SRFBP1: variants seen among roughly 807,000 people sequenced by gnomAD.
SRFBP1 encodes the protein serum response factor-binding protein 1.
SRFBP1 carries 47 observed loss-of-function variants against 45.5 expected under a neutral mutation model. The observed-to-expected ratio is 1.03, with a 90% CI of 0.82 to 1.32. The LOEUF is 1.32. Ranked by LOEUF, SRFBP1 falls within the 40% of genes most tolerant of loss-of-function variation. SRFBP1 has a pLI of 0.00. For missense variants in SRFBP1, 621 were observed against 484.6 expected (o/e 1.28, Z -2.64); for synonymous variants, 203 against 166.3 (o/e 1.22, Z -1.70).
chr5:121,983,324 C>T (rs1019912845), intron 3 of SRFBP1, among the ~76,000 whole-genome samples: 1 of 151,812 alleles, frequency 6.6e-6, no homozygotes. Context: ...TATTTAGAAT[C>T]TTCAGACTAA....
In SRFBP1 at chr5:122,075,501, C is replaced by G. The variant is rs556521876; in HGVS notation, n.498C>G. The stretch of plus-strand genomic sequence containing the variant: ...ACTCTTTGGGGAAATCTGAGCAGCA[C>G]CCTGTGATCATAATCTCTGACATCT... On this transcript the variant is annotated non_coding_transcript_exon_variant, in exon 3 of 3. Coordinates refer to the SRFBP1 transcript ENST00000504881. 2.5e-6 allele frequency: 4 copies of G among 1,612,606 alleles called. No individual in the cohort carries two copies. In the African/African-American group the frequency reaches 5.3e-5, roughly 22 times the overall value.
chr5:121,967,015 G>C (rs565551277), intron 1 of SRFBP1, among the ~76,000 whole-genome samples: 2 of 142,232 alleles, frequency 1.4e-5, no homozygotes, highest in African/African-American at 5.2e-5. Context: ...GGATGGTCTC[G>C]ATCTCCTGAC....
At chr5:121,995,378 C>G (rs1752700749) in intron 4 of SRFBP1, among the ~76,000 whole-genome samples, 1 of 152,172 alleles carries the variant, frequency 6.6e-6, no homozygotes, top group Non-Finnish European at 1.5e-5. Flanking sequence ...AGCCGCTCAA[C>G]TACATGGAAG....
At chr5:121,962,190 C>A (rs1335103556) in intron 1 of SRFBP1, 122 bp downstream of exon 1, 2 of 1,234,398 alleles carry the variant, frequency 1.6e-6, no homozygotes, top group East Asian at 4.7e-5. Context: ...TGGGCCCAGG[C>A]GGGTTTCCCG....
intron 4 of SRFBP1, among the ~76,000 whole-genome samples, chr5:122,004,647 GTCTC>G (rs1427547643): frequency 6.6e-6 from 1 of 151,624 alleles, no homozygotes; most frequent in Admixed American, 6.6e-5. Flanking sequence ...TTTTTCTCAC[GTCTC>G]TCTCATCTGT....
intron 2 of SRFBP1, among the ~76,000 whole-genome samples, chr5:122,057,224 C>T (rs1399541329): frequency 2.0e-5 from 3 of 152,100 alleles, no homozygotes; most frequent in Non-Finnish European, 4.4e-5. Context: ...GAAAAATACA[C>T]ATGCACATGA....
chr5:122,059,620 A>G (rs1476820059), intron 2 of SRFBP1, among the ~76,000 whole-genome samples: 1 of 152,132 alleles, frequency 6.6e-6, no homozygotes, highest in Non-Finnish European at 1.5e-5. Flanking sequence ...TGTTACTCTC[A>G]TTCAAGCTTC....
chr5:122,036,603 G>A (rs578007212), intron 2 of SRFBP1, among the ~76,000 whole-genome samples: 1 of 152,270 alleles, frequency 6.6e-6, no homozygotes, highest in East Asian at 1.9e-4. Context: ...GCTGAGTTCA[G>A]TCCTGTAAGT....
chr5:122,077,854 C>G (rs934427837), downstream of SRFBP1: 11 of 1,543,788 alleles, frequency 7.1e-6, no homozygotes, highest in African/African-American at 1.5e-4. The surrounding 1 kb of genome is among the most constrained non-coding windows in gnomAD (Gnocchi z 4.9). Flanking sequence ...ATTGGATCTG[C>G]TGGCGCCAGG....
At chr5:122,077,632 C>T (rs985716380), downstream of SRFBP1, 2 of 1,610,962 alleles carry the variant, frequency 1.2e-6, no homozygotes, top group Non-Finnish European at 1.7e-6. This position sits in a 1 kb window ranked among gnomAD's most constrained non-coding sequence, Gnocchi z 4.9. Flanking sequence ...GGGCGGTGGG[C>T]CTGGGGCGGC....
chr5:122,025,928 A>G (rs1205237765), intron 7 of SRFBP1, among the ~76,000 whole-genome samples: 1 of 152,102 alleles, frequency 6.6e-6, no homozygotes, highest in African/African-American at 2.4e-5. Flanking sequence ...TGTCTCTACT[A>G]AAAATACATA....
intron 2 of SRFBP1, chr5:122,066,808 C>T: frequency 9.5e-7 from 1 of 1,053,864 alleles, no homozygotes; most frequent in Non-Finnish European, 1.5e-6. Flanking sequence ...TGAATGAGTA[C>T]AACAGACAAA....
At chr5:122,044,650 T>C (rs1467045323) in intron 2 of SRFBP1, among the ~76,000 whole-genome samples, 1 of 152,208 alleles carries the variant, frequency 6.6e-6, no homozygotes, top group African/African-American at 2.4e-5. Context: ...TGCATGTATG[T>C]CTTCTTTTGA....
intron 3 of SRFBP1, among the ~76,000 whole-genome samples, chr5:121,991,208 G>A (rs1281882939): frequency 6.6e-6 from 1 of 151,992 alleles, no homozygotes; most frequent in African/African-American, 2.4e-5. Context: ...GTTTTTCTAT[G>A]ACTGGCTTCC....
intron 4 of SRFBP1, among the ~76,000 whole-genome samples, chr5:122,003,607 A>G (rs936823696): frequency 5.3e-5 from 8 of 151,840 alleles, no homozygotes; most frequent in Admixed American, 4.6e-4. Flanking sequence ...TGGTAGTTCT[A>G]TTTTTCATTT....
intron 2 of SRFBP1, among the ~76,000 whole-genome samples, chr5:122,045,572 T>A (rs952421553): frequency 1.3e-4 from 20 of 152,224 alleles, no homozygotes; most frequent in African/African-American, 4.3e-4. Flanking sequence ...ATCTTTCACC[T>A]CAATAGTTAG....
At chr5:122,017,257 C>T (rs531200194) in intron 4 of SRFBP1, among the ~76,000 whole-genome samples, 1 of 152,230 alleles carries the variant, frequency 6.6e-6, no homozygotes, top group African/African-American at 2.4e-5. Context: ...AATTTATTTT[C>T]TCACAGTTGA....
intron 2 of SRFBP1, among the ~76,000 whole-genome samples, chr5:122,051,753 T>G (rs561831270): frequency 6.6e-6 from 1 of 152,288 alleles, no homozygotes; most frequent in South Asian, 2.1e-4. Context: ...CACATTTACA[T>G]TCAAGGCGAA....
chr5:122,001,421 T>C (rs1752865727), intron 4 of SRFBP1, among the ~76,000 whole-genome samples: 1 of 149,738 alleles, frequency 6.7e-6, no homozygotes, highest in South Asian at 2.1e-4. Context: ...TTTTTTATTT[T>C]TATTTTTCTC....
Sources: gnomAD v4.1 joint callset for allele counts (sites outside exome capture counted in the v4.1 genomes callset) on GRCh38, gnomAD v4.1.1 for gene constraint, Gnocchi (gnomAD v3.1) non-coding constraint, MANE v1.5 for transcripts, NCBI Gene and HGNC (gene_info 2026-07-23, HGNC 2026-07-21) for gene names.